PRMT3: variants seen among roughly 807,000 people sequenced by gnomAD.
PRMT3 encodes the protein protein arginine methyltransferase 3, also known as protein arginine N-methyltransferase 3.
Under a neutral mutation model 71.9 loss-of-function variants are expected in PRMT3, and 62 were observed. That is an observed-to-expected ratio of 0.86 (90% CI 0.70 to 1.07). The LOEUF is 1.07. Ranked by LOEUF, PRMT3 falls within the 50% of genes least tolerant of loss-of-function variation. The pLI, the probability that PRMT3 is intolerant of heterozygous loss-of-function variation, is 0.00. For synonymous variants in PRMT3, 213 were observed against 220.4 expected, an observed-to-expected ratio of 0.97 and a Z score of 0.30; for missense variants, 663 against 643.0, an observed-to-expected ratio of 1.03 and a Z score of -0.34.
At chr11:20,471,451 A>G (rs1228819829) in intron 13 of PRMT3, among the ~76,000 whole-genome samples, 1 of 152,054 alleles carries the variant, frequency 6.6e-6, no homozygotes, top group Non-Finnish European at 1.5e-5. Flanking sequence ...CAGTTCTCCC[A>G]ACACCATTTA....
At chr11:20,408,119 G>A (rs891826502) in intron 9 of PRMT3, 87 bp downstream of exon 9, 139 of 950,438 alleles carry the variant, frequency 1.5e-4, no homozygotes, top group Admixed American at 2.0e-4. Context: ...AGCTATCTAA[G>A]GCAGACTAAA....
At chr11:20,433,775 C>T (rs1014148834) in intron 10 of PRMT3, among the ~76,000 whole-genome samples, 3 of 152,056 alleles carry the variant, frequency 2.0e-5, no homozygotes, top group Non-Finnish European at 4.4e-5. Context: ...CATGTACCGC[C>T]GTGCTGGCTA....
intron 13 of PRMT3, among the ~76,000 whole-genome samples, chr11:20,483,333 A>G (rs553973555): frequency 6.6e-6 from 1 of 152,272 alleles, no homozygotes; most frequent in South Asian, 2.1e-4. Flanking sequence ...TTTACTTACG[A>G]CTGATAGTAT....
intron 8 of PRMT3, 93 bp downstream of exon 8, chr11:20,403,077 T>C: frequency 3.3e-6 from 3 of 915,148 alleles, no homozygotes; most frequent in Non-Finnish European, 5.2e-6. Context: ...GCAATTGATT[T>C]AACATCTTCT....
intron 9 of PRMT3, among the ~76,000 whole-genome samples, chr11:20,420,001 A>G (rs1447329579): frequency 3.9e-5 from 6 of 152,232 alleles, no homozygotes; most frequent in South Asian, 2.1e-4. Flanking sequence ...GCGAAACCCT[A>G]TCTCTACTAA....
chr11:20,387,727 G>A lies in PRMT3; in HGVS notation c.-20G>A, dbSNP rs1389527623. ...CGGTCCCCGCCCCCAGACACGCCGG[G>A]CTCTCGGGGCACCACAGCCATGTGC... On this transcript the variant is annotated 5_prime_UTR_variant, in exon 1 of 16. Coordinates refer to ENST00000331079, the MANE Select transcript of PRMT3 (RefSeq NM_005788.4). The surrounding 1 kb of genome is among the most constrained non-coding windows in gnomAD (Gnocchi z 4.3). The A allele has an allele frequency of 1.9e-5, 29 of 1,527,982 alleles. 1 individual carries two copies. The highest frequency in any genetic ancestry group is 2.5e-5 in the Non-Finnish European group (29 of 1,140,774). The allele number at this position is 1,527,982 out of a possible 1,614,324, so 94.7% of individuals were successfully genotyped here. A position where few individuals can be genotyped will look rare whatever the true frequency, so the allele number is the denominator to read the frequency against.
chr11:20,464,652 C>T, intron 13 of PRMT3, 106 bp downstream of exon 13: 3 of 1,496,214 alleles, frequency 2.0e-6, no homozygotes, highest in South Asian at 1.3e-5. Flanking sequence ...TGACTATTGC[C>T]TCTGACAGTC....
In PRMT3 at chr11:20,462,032, A is replaced by G. The variant is rs750191853; in HGVS notation, c.1125A>G (p.Lys375=). 1 of 1,612,690 alleles carries G rather than the reference A, an allele frequency of 6.2e-7. No homozygotes were observed. The highest frequency in any genetic ancestry group is 8.5e-7 in the Non-Finnish European group (1 of 1,179,074). The part of the protein sequence containing the change: ...ISLVAVSDVN[K]HADRIAFWDD... Reference sequence around the variant, plus strand: ...TTGTAGCAGTGAGTGATGTGAATAAACATGCTGATAGAATTGCTTTTTGGG... The same window carrying G: ...TTGTAGCAGTGAGTGATGTGAATAAGCATGCTGATAGAATTGCTTTTTGGG... Residue 375 remains lysine (K), a synonymous_variant, in exon 12 of 16, where the codon AAA becomes AAG. Transcript: ENST00000331079.
intron 10 of PRMT3, among the ~76,000 whole-genome samples, chr11:20,429,603 A>G (rs914317354): frequency 5.9e-5 from 9 of 152,258 alleles, no homozygotes; most frequent in Admixed American, 5.2e-4. Context: ...AATGAAAAAC[A>G]AATCAGTGTA....
chr11:20,489,950 G>GAA (rs1355441435), intron 13 of PRMT3, among the ~76,000 whole-genome samples: 2 of 149,026 alleles, frequency 1.3e-5, no homozygotes, highest in Non-Finnish European at 3.0e-5. Flanking sequence ...GAATCACACA[G>GAA]AAAAGAAAAG....
intron 2 of PRMT3, 93 bp from the exon 3 acceptor site, chr11:20,389,651 G>C (rs544393532): frequency 0.033 from 17,394 of 532,020 alleles, 818 homozygotes; most frequent in Admixed American, 0.23. Flanking sequence ...AACCAGCAGA[G>C]TTAAAAAAAA....
At chr11:20,502,008 G>A (rs1258231491) in intron 15 of PRMT3, among the ~76,000 whole-genome samples, 1 of 151,742 alleles carries the variant, frequency 6.6e-6, no homozygotes, top group Non-Finnish European at 1.5e-5. Flanking sequence ...CTTTTTCTGG[G>A]GAAATGAAGT....
intron 9 of PRMT3, among the ~76,000 whole-genome samples, chr11:20,409,654 AACAC>A (rs60686099): frequency 0.024 from 3,525 of 144,288 alleles, 55 homozygotes; most frequent in African/African-American, 0.033. Flanking sequence ...GGAATACACA[AACAC>A]ACACACACAC....
intron 9 of PRMT3, among the ~76,000 whole-genome samples, chr11:20,411,956 T>A (rs1052188789): frequency 2.6e-5 from 4 of 152,160 alleles, no homozygotes; most frequent in African/African-American, 9.6e-5. Flanking sequence ...AGACTTGTTT[T>A]TTTCTAATTA....
At chr11:20,479,031 G>T (rs529679735) in intron 13 of PRMT3, among the ~76,000 whole-genome samples, 34 of 152,250 alleles carry the variant, frequency 2.2e-4, no homozygotes, top group African/African-American at 7.9e-4. Context: ...TTGCATCATA[G>T]GTTTTAATGG....
At chr11:20,450,640 A>C (rs1327075544) in intron 10 of PRMT3, among the ~76,000 whole-genome samples, 6 of 152,150 alleles carry the variant, frequency 3.9e-5, no homozygotes, top group Admixed American at 1.3e-4. Context: ...TGTATCAATG[A>C]ATCAGTGAGC....
intron 10 of PRMT3, among the ~76,000 whole-genome samples, chr11:20,439,076 A>G (rs548492682): frequency 3.3e-4 from 50 of 152,324 alleles, no homozygotes; most frequent in Admixed American, 2.5e-3. Context: ...CCCCTGAAGC[A>G]AGGTACACTT....
chr11:20,480,768 G>A (rs766249480), intron 13 of PRMT3, among the ~76,000 whole-genome samples: 6 of 151,836 alleles, frequency 4.0e-5, no homozygotes, highest in Non-Finnish European at 7.4e-5. Flanking sequence ...GGGAGTGAGG[G>A]CAATAACTCC....
chr11:20,483,082 C>T (rs552182813), intron 13 of PRMT3, among the ~76,000 whole-genome samples: 9 of 151,974 alleles, frequency 5.9e-5, no homozygotes, highest in South Asian at 4.2e-4. Context: ...CCCCTTTTAC[C>T]GTCTGTTAAA....
Sources: allele counts gnomAD v4.1 joint callset (sites outside exome capture counted in the v4.1 genomes callset), GRCh38; gene constraint gnomAD v4.1.1; non-coding constraint Gnocchi (gnomAD v3.1); transcripts MANE v1.5; gene names NCBI Gene and HGNC (gene_info 2026-07-23, HGNC 2026-07-21).